Variants in CASP9 observed in about 807,000 individuals in gnomAD.
The protein encoded by CASP9 is caspase 9.
A neutral mutation model predicts 43.5 loss-of-function variants in CASP9; 29 were observed. The ratio of observed to expected loss-of-function variants is 0.67; its 90% CI spans 0.50 to 0.91. The LOEUF is 0.91. CASP9 is among the 40% of genes least tolerant of loss of function. The pLI, the probability that CASP9 is intolerant of heterozygous loss-of-function variation, is 0.00. For synonymous variants in CASP9, 206 were observed against 211.9 expected (o/e 0.97, Z 0.24); for missense variants, 575 against 537.4 (o/e 1.07, Z -0.69).
At chr1:15,514,977 C>T (rs1317529604) in intron 2 of CASP9, among the ~76,000 whole-genome samples, 1 of 152,024 alleles carries the variant, frequency 6.6e-6, no homozygotes, top group Non-Finnish European at 1.5e-5. Flanking sequence ...CGCACTCCAC[C>T]CTGGGTGACA....
At position 15,506,064 on chromosome 1, in the gene CASP9, A is replaced by G; in HGVS notation, c.646T>C (p.Leu216=). Residue 216 remains leucine, a synonymous_variant, in exon 5 of 9, where the codon TTG becomes CTG. Coordinates refer to ENST00000333868, the MANE Select transcript of CASP9 (RefSeq NM_001229.5). ...DLTAKKMVLA[L]LELAQQDHGA... is the part of the protein sequence containing the mutation. ...TGGTCCTGCTGCGCCAGCTCCAGCAAAGCCAGCACCATTTTCTACAAGAGA... is the reference window on the plus strand; with the variant it reads ...TGGTCCTGCTGCGCCAGCTCCAGCAGAGCCAGCACCATTTTCTACAAGAGA... 2 of 1,613,760 alleles carry G rather than the reference A, an allele frequency of 1.2e-6. No individual in the cohort carries two copies.
At chr1:15,521,891 A>C (rs1710217642) in intron 1 of CASP9, among the ~76,000 whole-genome samples, 1 of 152,172 alleles carries the variant, frequency 6.6e-6, no homozygotes, top group African/African-American at 2.4e-5. Flanking sequence ...AGTTTTATTT[A>C]ATTTTAATTA....
At chr1:15,495,863 G>A (rs561199484) in intron 6 of CASP9, among the ~76,000 whole-genome samples, 3 of 152,206 alleles carry the variant, frequency 2.0e-5, no homozygotes, top group South Asian at 2.1e-4. Flanking sequence ...GTTATCTTAC[G>A]TAAAAATGCA....
chr1:15,497,812 C>T (rs931364580), intron 6 of CASP9, among the ~76,000 whole-genome samples: 2 of 152,040 alleles, frequency 1.3e-5, no homozygotes, highest in South Asian at 2.1e-4. Context: ...AAAATTCACA[C>T]GAGAATCTCA....
intron 6 of CASP9, 111 bp downstream of exon 6, chr1:15,504,500 G>A: frequency 5.3e-6 from 6 of 1,123,188 alleles, no homozygotes; most frequent in Non-Finnish European, 7.5e-6. Context: ...GGTACCCTCT[G>A]ACTGCCTGGA....
intron 6 of CASP9, among the ~76,000 whole-genome samples, chr1:15,501,498 C>T (rs1157194099): frequency 6.6e-6 from 1 of 152,112 alleles, no homozygotes; most frequent in African/African-American, 2.4e-5. Flanking sequence ...AAACCCAGGA[C>T]AGGTGTTCTG....
At chr1:15,513,580 C>T (rs777980889) in intron 2 of CASP9, among the ~76,000 whole-genome samples, 5 of 152,138 alleles carry the variant, frequency 3.3e-5, no homozygotes, top group Non-Finnish European at 5.9e-5. Context: ...TACCCACAGC[C>T]GTGAATAAAG....
At chr1:15,524,252 G>T (rs373598909), upstream of CASP9, 7 of 1,521,770 alleles carry the variant, frequency 4.6e-6, no homozygotes, top group African/African-American at 7.0e-5. Flanking sequence ...TCCGGGCCTC[G>T]GCCGCCCGCC....
At chr1:15,504,041 T>A (rs1276042626) in intron 6 of CASP9, among the ~76,000 whole-genome samples, 1 of 152,020 alleles carries the variant, frequency 6.6e-6, no homozygotes, top group African/African-American at 2.4e-5. Context: ...AGAGACAGGG[T>A]CTCGCTGTGT....
intron 1 of CASP9, among the ~76,000 whole-genome samples, chr1:15,523,077 A>G (rs1373567887): frequency 6.6e-6 from 1 of 152,248 alleles, no homozygotes; most frequent in Admixed American, 6.5e-5. Context: ...GCATCCTCAC[A>G]GGCCTGTGAT....
chr1:15,521,404 T>C lies in CASP9; in HGVS notation c.132+2665A>G, dbSNP rs536375083. Reference sequence around the variant, plus strand: ...TCATCCGGAGACCTAAACCCCTCCCTGTGGTGCTGTGCTTCCATGGTCACG... The same window carrying C: ...TCATCCGGAGACCTAAACCCCTCCCCGTGGTGCTGTGCTTCCATGGTCACG... On this transcript the variant is annotated intron_variant, in intron 1 of 8. Coordinates refer to ENST00000333868, the MANE Select transcript of CASP9 (RefSeq NM_001229.5). Among the ~76,000 whole-genome samples the C allele has an allele frequency of 5.9e-5, 9 of 152,296 alleles. No homozygotes were observed. In the South Asian group the frequency reaches 1.9e-3, roughly 32 times the overall value.
rs771183801 is a variant in CASP9 at position 15,518,335 on chromosome 1, G to A, written c.193C>T (p.Arg65Ter). Residue 65 changes from arginine (R) to a stop codon, truncating the protein, a stop_gained, in exon 2 of 9, where the codon CGA (arginine) becomes TGA (stop). Coordinates refer to ENST00000333868, the MANE Select transcript of CASP9 (RefSeq NM_001229.5). LOFTEE classifies it high-confidence loss of function. ...AACAAAGGAAGAGCCTGACTCCCTC[G>A]AGTCTCCAGATCTATGATCAGCTGC... ...ARQLIIDLET[R>*]GSQALPLFIS... The A allele has an allele frequency of 3.0e-5, 48 of 1,613,942 alleles. No homozygotes were observed. The highest frequency in any genetic ancestry group is 6.7e-5 in the Admixed American group (4 of 60,000).
chr1:15,496,217 A>G (rs1227387364), intron 6 of CASP9, among the ~76,000 whole-genome samples: 1 of 152,222 alleles, frequency 6.6e-6, no homozygotes, highest in East Asian at 1.9e-4. Flanking sequence ...AAATTCAACA[A>G]GCTTTCATGA....
At chr1:15,504,801 G>A (rs1709457690) in intron 5 of CASP9, 43 bp from the exon 6 acceptor site, 1 of 1,583,888 alleles carries the variant, frequency 6.3e-7, no homozygotes, top group South Asian at 1.1e-5. Context: ...AGAAGTTGGA[G>A]TAGGAATCCA....
chr1:15,494,862 C>CAAA (rs563954013), intron 7 of CASP9, among the ~76,000 whole-genome samples: 778 of 42,874 alleles, frequency 0.018, 58 homozygotes, highest in African/African-American at 0.038. Context: ...GATTCCATCT[C>CAAA]AAAAAAAAAA....
At chr1:15,524,612 C>T (rs1710377410), upstream of CASP9, 1 of 1,016,444 alleles carries the variant, frequency 9.8e-7, no homozygotes, top group Non-Finnish European at 1.2e-6. Context: ...CCCGCGTTAC[C>T]GTCCCGCCCG....
chr1:15,522,525 T>C (rs748972187), intron 1 of CASP9, among the ~76,000 whole-genome samples: 2 of 151,984 alleles, frequency 1.3e-5, no homozygotes, highest in Non-Finnish European at 2.9e-5. Flanking sequence ...CTAGGCAACA[T>C]AGCAAGACTC....
intron 1 of CASP9, among the ~76,000 whole-genome samples, chr1:15,523,348 CTG>C (rs1710288313): frequency 6.6e-6 from 1 of 152,254 alleles, no homozygotes; most frequent in Non-Finnish European, 1.5e-5. Context: ...AGCCCAGAAA[CTG>C]TGGCTCAAAG....
intron 2 of CASP9, among the ~76,000 whole-genome samples, chr1:15,517,063 C>T (rs192084023): frequency 6.6e-6 from 1 of 152,290 alleles, no homozygotes; most frequent in African/African-American, 2.4e-5. Flanking sequence ...TTCACCATTA[C>T]TATTATGATT....
Sources: allele counts gnomAD v4.1 joint callset (sites outside exome capture counted in the v4.1 genomes callset), GRCh38; gene constraint gnomAD v4.1.1; transcripts MANE v1.5; gene names NCBI Gene and HGNC (gene_info 2026-07-23, HGNC 2026-07-21).